Variants in PRMT1 observed in about 807,000 individuals in gnomAD.
PRMT1 encodes the protein protein arginine methyltransferase 1.
Under a neutral mutation model 47.4 loss-of-function variants are expected in PRMT1, and 5 were observed. The observed-to-expected ratio is 0.11, with a 90% CI of 0.06 to 0.22. PRMT1 has a LOEUF of 0.22. Among genes scored for constraint, PRMT1 ranks in the 10% least tolerant of loss-of-function variants. The probability of loss-of-function intolerance (pLI) is 1.00; values close to 1 mark genes in which losing one functional copy is unlikely to be tolerated. For missense variants in PRMT1, 249 were observed against 518.4 expected (o/e 0.48, Z 5.05); for synonymous variants, 227 against 204.6 (o/e 1.11, Z -0.94).
chr19:49,680,172 T>C lies in PRMT1; in HGVS notation c.90+247T>C, dbSNP rs746530739. ...TGCCCTTCCCTGTGTCTGCCCCCAT[T>C]TTCCTTCCCCTCCCCTCCCCAGCTG... On this transcript the variant is annotated intron_variant, in intron 2 of 10. Transcript: ENST00000454376. This position sits in a 1 kb window ranked among gnomAD's most constrained non-coding sequence, Gnocchi z 4.2. 1 of 1,559,484 alleles carries C rather than the reference T, an allele frequency of 6.4e-7. No individual in the cohort carries two copies. Among genetic ancestry groups the C allele is most frequent in the Non-Finnish European group, 8.7e-7 (1 of 1,145,780 alleles).
rs550593872 is a variant in PRMT1 at position 49,680,143 on chromosome 19, C to T, written c.90+218C>T. The T allele has an allele frequency of 2.1e-6, 3 of 1,403,088 alleles. No individual in the cohort carries two copies. Among genetic ancestry groups the T allele is most frequent in the Admixed American group, 3.9e-5 (2 of 51,670 alleles). The allele number at this position is 1,403,088 out of a possible 1,614,324, so 86.9% of individuals were successfully genotyped here. Reference sequence around the variant, plus strand: ...CTTCCTTAACTCCACCTCCAACCCCCCTTTGCCCTTCCCTGTGTCTGCCCC... The same window carrying T: ...CTTCCTTAACTCCACCTCCAACCCCTCTTTGCCCTTCCCTGTGTCTGCCCC... On this transcript the variant is annotated intron_variant, in intron 2 of 10. Coordinates refer to ENST00000454376, the MANE Select transcript of PRMT1 (RefSeq NM_001536.6). This position sits in a 1 kb window ranked among gnomAD's most constrained non-coding sequence, Gnocchi z 4.2.
At chr19:49,677,032 C>G (rs2082044808), upstream of PRMT1, 1 of 393,596 alleles carries the variant, frequency 2.5e-6, no homozygotes. Flanking sequence ...GGCAGTTTTC[C>G]CCATCCCGGG....
At position 49,680,142 on chromosome 19, in the gene PRMT1, C is replaced by A; in HGVS notation, c.90+217C>A. ...ACTTCCTTAACTCCACCTCCAACCCCCCTTTGCCCTTCCCTGTGTCTGCCC... is the reference window on the plus strand; with the variant it reads ...ACTTCCTTAACTCCACCTCCAACCCACCTTTGCCCTTCCCTGTGTCTGCCC... On this transcript the variant is annotated intron_variant, in intron 2 of 10. Coordinates refer to ENST00000454376, the MANE Select transcript of PRMT1 (RefSeq NM_001536.6). This position sits in a 1 kb window ranked among gnomAD's most constrained non-coding sequence, Gnocchi z 4.2. 2 of 1,382,218 alleles carry A rather than the reference C, an allele frequency of 1.4e-6. No individual in the cohort carries two copies. The highest frequency in any genetic ancestry group is 2.0e-6 in the Non-Finnish European group (2 of 989,104). The allele number at this position is 1,382,218 out of a possible 1,614,324, so 85.6% of individuals were successfully genotyped here.
Position 49,685,598 on chromosome 19 carries a change from G to T in PRMT1, c.760-495G>T. 9 of 1,018,208 alleles carry T rather than the reference G, an allele frequency of 8.8e-6. No homozygotes were observed. Among genetic ancestry groups the T allele is most frequent in the Non-Finnish European group, 1.1e-5 (9 of 849,874 alleles). 63.1% of individuals were successfully genotyped at this position (1,018,208 alleles called of 1,614,324 possible). A position where few individuals can be genotyped will look rare whatever the true frequency, so the allele number is the denominator to read the frequency against. The stretch of plus-strand genomic sequence containing the variant: ...TTGTTGAGCTGGGATGTGTGAGCCG[G>T]GTGAAGCTGGGTGGCTGACCGGGGG... On this transcript the variant is annotated intron_variant, in intron 8 of 10. Transcript: ENST00000454376. This position sits in a 1 kb window ranked among gnomAD's most constrained non-coding sequence, Gnocchi z 4.7.
intron 10 of PRMT1, among the ~76,000 whole-genome samples, chr19:49,687,514 G>GCC (rs398034947): frequency 0.024 from 3,173 of 132,416 alleles, 41 homozygotes; most frequent in Middle Eastern, 0.041. Flanking sequence ...TCCGCTCCCC[G>GCC]CCCCCCCCCA....
Position 49,685,746 on chromosome 19 carries a change from G to C in PRMT1, c.760-347G>C. ...TGGCGCAGGGTTTAGGTTGGCATTT[G>C]TGTTGCCGTTTGAAGCCATCATGTT... is the stretch of plus-strand genomic sequence containing the variant. On this transcript the variant is annotated intron_variant, in intron 8 of 10. Transcript: ENST00000454376. This position sits in a 1 kb window ranked among gnomAD's most constrained non-coding sequence, Gnocchi z 4.7. The C allele has an allele frequency of 2.8e-6, 3 of 1,090,196 alleles. No homozygotes were observed. The highest frequency in any genetic ancestry group is 3.4e-6 in the Non-Finnish European group (3 of 895,022). 67.5% of individuals were successfully genotyped at this position (1,090,196 alleles called of 1,614,324 possible).
intron 9 of PRMT1, 64 bp downstream of exon 9, chr19:49,686,307 T>C (rs1239485763): frequency 2.6e-6 from 4 of 1,510,168 alleles, no homozygotes; most frequent in Non-Finnish European, 3.6e-6. Context: ...ACCCACGTAG[T>C]GGAGGGGGTG....
intron 1 of PRMT1, chr19:49,679,657 A>G: frequency 1.4e-6 from 1 of 692,706 alleles, no homozygotes; most frequent in Non-Finnish European, 2.6e-6. Context: ...CTCTCCAGCC[A>G]CAGCTGGGAT....
rs2082115621 is a variant in PRMT1, at chr19:49,681,326, G to A, written c.193-584G>A. Reference sequence around the variant, plus strand: ...GGCCTCCTGAGGTGCTGGGATTACAGGCGTGAGCCACCGCTCCCAGCCTGA... The same window carrying A: ...GGCCTCCTGAGGTGCTGGGATTACAAGCGTGAGCCACCGCTCCCAGCCTGA... On this transcript the variant is annotated intron_variant, in intron 3 of 10. Coordinates refer to ENST00000454376, the MANE Select transcript of PRMT1 (RefSeq NM_001536.6). This position sits in a 1 kb window ranked among gnomAD's most constrained non-coding sequence, Gnocchi z 4.4. Among the ~76,000 whole-genome samples, 1 of 152,196 alleles carries A rather than the reference G, an allele frequency of 6.6e-6. No individual in the cohort carries two copies. Among genetic ancestry groups the A allele is most frequent in the African/African-American group, 2.4e-5 (1 of 41,456 alleles).
At position 49,684,721 on chromosome 19, in the gene PRMT1, C is replaced by T; in HGVS notation, c.556-33C>T. The T allele has an allele frequency of 3.9e-6, 6 of 1,545,320 alleles. No individual in the cohort carries two copies. Among genetic ancestry groups the T allele is most frequent in the Non-Finnish European group, 4.4e-6 (5 of 1,143,386 alleles). On this transcript the variant is annotated intron_variant, in intron 6 of 10. Coordinates refer to ENST00000454376, the MANE Select transcript of PRMT1 (RefSeq NM_001536.6). The surrounding 1 kb of genome is among the most constrained non-coding windows in gnomAD (Gnocchi z 6.2). Reference sequence around the variant, plus strand: ...AGACTCAGGGTAGTGTTGCCAGGCCCCACCCTTCATGCCTCGCCCTGCCCC... The same window carrying T: ...AGACTCAGGGTAGTGTTGCCAGGCCTCACCCTTCATGCCTCGCCCTGCCCC...
chr19:49,685,712 CA>C lies in PRMT1; in HGVS notation c.760-380del. 1 of 1,050,706 alleles carries C rather than the reference CA, an allele frequency of 9.5e-7. No individual in the cohort carries two copies. The highest frequency in any genetic ancestry group is 3.3e-5 in the South Asian group (1 of 29,886). The allele number at this position is 1,050,706 out of a possible 1,614,324, so 65.1% of individuals were successfully genotyped here. A position where few individuals can be genotyped will look rare whatever the true frequency, so the allele number is the denominator to read the frequency against. On this transcript the variant is annotated intron_variant, in intron 8 of 10. Coordinates refer to ENST00000454376, the MANE Select transcript of PRMT1 (RefSeq NM_001536.6). This position sits in a 1 kb window ranked among gnomAD's most constrained non-coding sequence, Gnocchi z 4.7. ...CCACTCGGGCCACCCTCCTGAGAGC[CA>C]GGGGAACTGGCGCAGGGTTTAGGTT... is the stretch of plus-strand genomic sequence containing the variant.
Position 49,680,049 on chromosome 19 carries a change from C to G in PRMT1, c.90+124C>G, listed in dbSNP as rs1456708153. 4.2e-6 allele frequency: 5 copies of G among 1,187,310 alleles called. No homozygotes were observed. Among genetic ancestry groups the G allele is most frequent in the Non-Finnish European group, 6.1e-6 (5 of 819,030 alleles). The allele number at this position is 1,187,310 out of a possible 1,614,324, so 73.5% of individuals were successfully genotyped here. On this transcript the variant is annotated intron_variant, in intron 2 of 10. Coordinates refer to ENST00000454376, the MANE Select transcript of PRMT1 (RefSeq NM_001536.6). The surrounding 1 kb of genome is among the most constrained non-coding windows in gnomAD (Gnocchi z 4.2). The stretch of plus-strand genomic sequence containing the variant: ...TTGCTTCAAACCAGTTTACCCCAGG[C>G]CCCCAGACACTTAGTAGCAACCCCT...
Position 49,685,933 on chromosome 19 carries a change from G to A in PRMT1, c.760-160G>A. ...TGGTTTATTGGGAGCCGGATAGGCA[G>A]GATGCAGAGTGAAGGAGGAGCCGAG... On this transcript the variant is annotated intron_variant, in intron 8 of 10. Transcript: ENST00000454376. The surrounding 1 kb of genome is among the most constrained non-coding windows in gnomAD (Gnocchi z 4.7). The A allele has an allele frequency of 6.9e-7, 1 of 1,441,726 alleles. No individual in the cohort carries two copies. The highest frequency in any genetic ancestry group is 1.5e-5 in the South Asian group (1 of 67,832). The allele number at this position is 1,441,726 out of a possible 1,614,324, so 89.3% of individuals were successfully genotyped here.
chr19:49,685,249 T>C lies in PRMT1; in HGVS notation c.759+212T>C. The C allele has an allele frequency of 1.3e-6, 2 of 1,481,526 alleles. No homozygotes were observed. The highest frequency in any genetic ancestry group is 9.0e-7 in the Non-Finnish European group (1 of 1,116,194). The allele number at this position is 1,481,526 out of a possible 1,614,324, so 91.8% of individuals were successfully genotyped here. A position where few individuals can be genotyped will look rare whatever the true frequency, so the allele number is the denominator to read the frequency against. On this transcript the variant is annotated intron_variant, in intron 8 of 10. Transcript: ENST00000454376. This position sits in a 1 kb window ranked among gnomAD's most constrained non-coding sequence, Gnocchi z 4.7. ...GCTGTGTGAGAACCATGCTTGGCAC[T>C]TGGCTTCTGGCGGAGGAAACACCCA...
rs765168424 is a variant in PRMT1 at position 49,682,002 on chromosome 19, C to T, written c.285C>T (p.Val95=). ...TCAAGGACAAGGTGGTGCTGGACGT[C>T]GGCTCGGGCACCGGCATCCTCTGCA... ...HLFKDKVVLD[V]GSGTGILCMF... Residue 95 remains valine, a synonymous_variant, in exon 4 of 11, where the codon GTC becomes GTT. Coordinates refer to ENST00000454376, the MANE Select transcript of PRMT1 (RefSeq NM_001536.6). The T allele has an allele frequency of 2.2e-5, 35 of 1,614,046 alleles. No homozygotes were observed. The highest frequency in any genetic ancestry group is 5.3e-5 in the African/African-American group (4 of 74,930).
intron 10 of PRMT1, among the ~76,000 whole-genome samples, chr19:49,687,430 A>G (rs1207495593): frequency 1.3e-5 from 2 of 151,884 alleles, no homozygotes; most frequent in Non-Finnish European, 2.9e-5. Flanking sequence ...CAGGGTAGTC[A>G]TGGAATGTGG....
upstream of PRMT1, chr19:49,676,567 A>T (rs1321317475): frequency 6.6e-6 from 1 of 152,230 alleles, no homozygotes; most frequent in Admixed American, 6.5e-5. Context: ...ACGGACTCCT[A>T]TTCCTCACTT....
chr19:49,676,847 G>A (rs1038564665), upstream of PRMT1, among the ~76,000 whole-genome samples: 16 of 152,214 alleles, frequency 1.1e-4, no homozygotes, highest in African/African-American at 3.6e-4. Context: ...CGTCGCTTCC[G>A]GATAAACCAA....
upstream of PRMT1, chr19:49,676,373 T>C (rs1361896742): frequency 6.6e-6 from 1 of 152,228 alleles, no homozygotes; most frequent in Non-Finnish European, 1.5e-5. Context: ...CAAGGAAAGC[T>C]TCCCGGAGGA....
Sources: allele counts gnomAD v4.1 joint callset (sites outside exome capture counted in the v4.1 genomes callset), GRCh38; gene constraint gnomAD v4.1.1; non-coding constraint Gnocchi (gnomAD v3.1); transcripts MANE v1.5; gene names NCBI Gene and HGNC (gene_info 2026-07-23, HGNC 2026-07-21).